The following NUBPL variants were observed in gnomAD, a reference collection of about 807,000 sequenced individuals.
NUBPL encodes the protein iron-sulfur cluster transfer protein NUBPL.
Under a neutral mutation model 45.7 loss-of-function variants are expected in NUBPL, and 31 were observed. The ratio of observed to expected loss-of-function variants is 0.68; its 90% CI spans 0.51 to 0.92. NUBPL has a LOEUF of 0.92. NUBPL is among the 40% of genes least tolerant of loss of function. The probability of loss-of-function intolerance (pLI) is 0.00; values close to 1 mark genes in which losing one functional copy is unlikely to be tolerated. For synonymous variants in NUBPL, 144 were observed against 140.9 expected (o/e 1.02, Z -0.15); for missense variants, 401 against 398.7 (o/e 1.01, Z -0.05).
chr14:31,743,051 CT>C (rs1282806414), intron 6 of NUBPL, among the ~76,000 whole-genome samples: 1 of 152,080 alleles, frequency 6.6e-6, no homozygotes, highest in Non-Finnish European at 1.5e-5. Context: ...TATCTTTTAG[CT>C]TTCTTACTAC....
intron 4 of NUBPL, among the ~76,000 whole-genome samples, chr14:31,632,326 TG>T (rs2035367545): frequency 1.3e-5 from 2 of 152,150 alleles, no homozygotes; most frequent in South Asian, 4.1e-4. Context: ...CAATGACACT[TG>T]GTGGAGGACC....
intron 8 of NUBPL, among the ~76,000 whole-genome samples, chr14:31,835,136 G>A (rs1483906843): frequency 2.0e-5 from 3 of 152,188 alleles, no homozygotes; most frequent in Non-Finnish European, 2.9e-5. Context: ...GGAGTTCCAC[G>A]TCCAGGATCT....
chr14:31,635,230 G>T (rs371481325), intron 4 of NUBPL, among the ~76,000 whole-genome samples: 16 of 151,962 alleles, frequency 1.1e-4, no homozygotes, highest in African/African-American at 3.9e-4. Context: ...TAGGTCTAAC[G>T]TTTAAGTCTT....
chr14:31,621,915 T>C (rs2035073733), intron 4 of NUBPL, among the ~76,000 whole-genome samples: 1 of 151,630 alleles, frequency 6.6e-6, no homozygotes, highest in Admixed American at 6.6e-5. Flanking sequence ...CATGCAGAGG[T>C]TGGAATAGTT....
At chr14:31,732,532 T>C (rs9322876) in intron 6 of NUBPL, among the ~76,000 whole-genome samples, 150,756 of 151,418 alleles carry the variant, frequency 1, 75,052 homozygotes, top group Middle Eastern at 1. Context: ...TCTGGCTTGC[T>C]TATTTATCTT....
chr14:31,855,210 A>G (rs1280927153), intron 10 of NUBPL, among the ~76,000 whole-genome samples: 2 of 152,236 alleles, frequency 1.3e-5, no homozygotes, highest in South Asian at 2.1e-4. Context: ...CTACTAGGAG[A>G]TAAAAGGTAT....
chr14:31,561,603 C>A, intron 1 of NUBPL, 56 bp downstream of exon 1: 1 of 1,130,704 alleles, frequency 8.8e-7, no homozygotes, highest in Non-Finnish European at 1.2e-6. Context: ...GGCTGCAGGG[C>A]CGCAGATGCC....
intron 8 of NUBPL, among the ~76,000 whole-genome samples, chr14:31,833,721 T>C (rs1205482641): frequency 6.6e-6 from 1 of 152,160 alleles, no homozygotes; most frequent in Non-Finnish European, 1.5e-5. Flanking sequence ...ACTTCTAAAA[T>C]TACATTAGGA....
At chr14:31,748,556 T>A (rs2038450854) in intron 6 of NUBPL, among the ~76,000 whole-genome samples, 1 of 149,600 alleles carries the variant, frequency 6.7e-6, no homozygotes, top group African/African-American at 2.6e-5. Context: ...AATGACCTTT[T>A]TGGTCTTTTT....
At chr14:31,842,009 C>G (rs2040383425) in intron 8 of NUBPL, among the ~76,000 whole-genome samples, 1 of 137,640 alleles carries the variant, frequency 7.3e-6, no homozygotes, top group Non-Finnish European at 1.5e-5. Context: ...CAGCTCACTG[C>G]AAGCTCTGCC....
chr14:31,659,622 A>G (rs1293093183), intron 4 of NUBPL, among the ~76,000 whole-genome samples: 1 of 152,186 alleles, frequency 6.6e-6, no homozygotes, highest in Non-Finnish European at 1.5e-5. Context: ...CCAAGTTTAT[A>G]TCTGTACTCA....
chr14:31,645,191 G>A (rs1461707074), intron 4 of NUBPL, among the ~76,000 whole-genome samples: 3 of 151,498 alleles, frequency 2.0e-5, no homozygotes, highest in Non-Finnish European at 2.9e-5. Context: ...TCAGCCTCCC[G>A]AGTAACTGGG....
At chr14:31,850,317 G>T (rs765302784) in intron 10 of NUBPL, 116 bp downstream of exon 10, 3 of 805,208 alleles carry the variant, frequency 3.7e-6, no homozygotes, top group Non-Finnish European at 6.3e-6. Context: ...TTTAAACAAG[G>T]ATTATTTAAC....
chr14:31,814,975 C>A (rs1057433534), intron 7 of NUBPL, among the ~76,000 whole-genome samples: 3 of 152,142 alleles, frequency 2.0e-5, no homozygotes, highest in African/African-American at 7.2e-5. Context: ...TAGCGTGATG[C>A]CTCCAGCTTT....
At chr14:31,562,310 A>G in intron 2 of NUBPL, 95 bp downstream of exon 2, 2 of 1,206,358 alleles carry the variant, frequency 1.7e-6, no homozygotes, top group Non-Finnish European at 2.3e-6. Context: ...TTAAAAATTT[A>G]TTTGTGAAGT....
At chr14:31,700,743 C>G (rs2037315006) in intron 6 of NUBPL, among the ~76,000 whole-genome samples, 1 of 152,180 alleles carries the variant, frequency 6.6e-6, no homozygotes, top group South Asian at 2.1e-4. Context: ...CCTGCCTGCA[C>G]TGCACTTGAA....
intron 4 of NUBPL, among the ~76,000 whole-genome samples, chr14:31,658,051 A>T (rs561096061): frequency 2.0e-5 from 3 of 152,366 alleles, no homozygotes; most frequent in Admixed American, 2.0e-4. Context: ...TACTGTTTAA[A>T]AGATGATTCA....
At chr14:31,715,602 G>T (rs535730433) in intron 6 of NUBPL, among the ~76,000 whole-genome samples, 4 of 152,160 alleles carry the variant, frequency 2.6e-5, no homozygotes, top group African/African-American at 7.2e-5. Flanking sequence ...CTAAACATAG[G>T]AAAGGTACAA....
chr14:31,637,015 A>G (rs576236679), intron 4 of NUBPL, among the ~76,000 whole-genome samples: 5 of 151,980 alleles, frequency 3.3e-5, no homozygotes, highest in Admixed American at 2.6e-4. Flanking sequence ...TGGTCTATCA[A>G]TTTTGTTGAT....
Sources: allele counts gnomAD v4.1 joint callset (sites outside exome capture counted in the v4.1 genomes callset), GRCh38; gene constraint gnomAD v4.1.1; transcripts MANE v1.5; gene names NCBI Gene and HGNC (gene_info 2026-07-23, HGNC 2026-07-21).